Variants in ITSN1 observed in about 807,000 individuals in gnomAD.
ITSN1 encodes the protein intersectin 1, also known as intersectin-1.
Under a neutral mutation model 239.8 loss-of-function variants are expected in ITSN1, and 58 were observed. The observed-to-expected ratio is 0.24, with a 90% CI of 0.20 to 0.30. The LOEUF (loss-of-function observed/expected upper bound fraction) is 0.30. ITSN1 is among the 10% of genes least tolerant of loss of function. The pLI is 1.00. For synonymous variants in ITSN1, 780 were observed against 770.8 expected, an observed-to-expected ratio of 1.01 and a Z score of -0.20; for missense variants, 1,558 against 2,103.3, an observed-to-expected ratio of 0.74 and a Z score of 5.07.
At chr21:33,853,160 C>G (rs897658547) in intron 29 of ITSN1, among the ~76,000 whole-genome samples, 1 of 152,172 alleles carries the variant, frequency 6.6e-6, no homozygotes, top group Admixed American at 6.5e-5. Flanking sequence ...AGACTCTCCC[C>G]ACAAAACTTT....
chr21:33,873,740 C>T (rs1369136817), intron 33 of ITSN1, among the ~76,000 whole-genome samples: 3 of 152,096 alleles, frequency 2.0e-5, no homozygotes, highest in Non-Finnish European at 4.4e-5. Flanking sequence ...GGCATGGTGG[C>T]GCACACCTGT....
intron 20 of ITSN1, among the ~76,000 whole-genome samples, chr21:33,804,702 C>A (rs1312369785): frequency 6.6e-6 from 1 of 152,120 alleles, no homozygotes; most frequent in Non-Finnish European, 1.5e-5. Flanking sequence ...ATGAGAAGAC[C>A]TATGCTCACT....
intron 1 of ITSN1, among the ~76,000 whole-genome samples, chr21:33,705,549 G>A (rs1217250264): frequency 2.0e-5 from 3 of 149,824 alleles, no homozygotes; most frequent in Non-Finnish European, 4.4e-5. Flanking sequence ...CACCACACCC[G>A]GCTAATTTTT....
chr21:33,735,315 C>A, intron 5 of ITSN1, 111 bp downstream of exon 5: 1 of 1,176,084 alleles, frequency 8.5e-7, no homozygotes, highest in Non-Finnish European at 1.2e-6. Context: ...GGAGGTAATT[C>A]TGTCTGAAAA....
chr21:33,728,220 C>A (rs1430110782), intron 4 of ITSN1, among the ~76,000 whole-genome samples: 2 of 152,072 alleles, frequency 1.3e-5, no homozygotes, highest in African/African-American at 4.8e-5. Flanking sequence ...CTGCCTCGGC[C>A]TCTCAAAGTG....
intron 4 of ITSN1, among the ~76,000 whole-genome samples, chr21:33,731,756 A>G (rs1362091901): frequency 1.3e-5 from 2 of 152,246 alleles, no homozygotes; most frequent in African/African-American, 2.4e-5. Context: ...TGAAAAATAC[A>G]GTAACCATTT....
intron 31 of ITSN1, among the ~76,000 whole-genome samples, chr21:33,862,437 G>A (rs1980794099): frequency 6.6e-6 from 1 of 152,138 alleles, no homozygotes; most frequent in African/African-American, 2.4e-5. Context: ...TCAGTTTGGG[G>A]TAATGACAGA....
chr21:33,785,522 A>G (rs1180126303), intron 16 of ITSN1, among the ~76,000 whole-genome samples: 2 of 152,196 alleles, frequency 1.3e-5, no homozygotes, highest in African/African-American at 4.8e-5. Context: ...GCTCAGATTA[A>G]TTTGTCTTTT....
chr21:33,785,789 A>G (rs1388534787), intron 16 of ITSN1, among the ~76,000 whole-genome samples: 6 of 152,194 alleles, frequency 3.9e-5, no homozygotes, highest in African/African-American at 1.4e-4. Flanking sequence ...TTGAAGGCTC[A>G]TTTTTTGTTT....
chr21:33,861,566 C>T (rs1346820972), intron 31 of ITSN1, among the ~76,000 whole-genome samples: 3 of 152,152 alleles, frequency 2.0e-5, no homozygotes, highest in African/African-American at 7.2e-5. Flanking sequence ...AGAAATGTGC[C>T]TTTCATAGAC....
intron 1 of ITSN1, among the ~76,000 whole-genome samples, chr21:33,694,203 CTTAT>C (rs1164389825): frequency 2.0e-5 from 3 of 152,052 alleles, no homozygotes; most frequent in Non-Finnish European, 4.4e-5. Flanking sequence ...ATTTTTGTTA[CTTAT>C]TTATTTATTT....
intron 16 of ITSN1, among the ~76,000 whole-genome samples, chr21:33,784,133 TTTGGCTTTCTCTTA>T (rs2070428698): frequency 6.6e-6 from 1 of 152,128 alleles, no homozygotes; most frequent in Admixed American, 6.5e-5. Context: ...TAATTTTAAT[TTTGGCTTTCTCTTA>T]TTAACTTTAA....
At chr21:33,844,082 T>A (rs2074912130) in intron 29 of ITSN1, among the ~76,000 whole-genome samples, 1 of 152,230 alleles carries the variant, frequency 6.6e-6, no homozygotes, top group Admixed American at 6.5e-5. Flanking sequence ...ACAGCTTCCC[T>A]AAAAACTTTG....
rs2148595598 is a variant in ITSN1 at position 33,896,652 on chromosome 21, T to C, written c.*8352T>C. The C allele has an allele frequency of 6.6e-6, 1 of 152,342 alleles. No individual in the cohort carries two copies. The highest frequency in any genetic ancestry group is 1.5e-5 in the Non-Finnish European group (1 of 68,036). The allele number at this position is 152,342 out of a possible 1,614,324, so 9.4% of individuals were successfully genotyped here. ...TGGTAGGAGAGAAAAGATCCCTCTG[T>C]GTAAGTAGCCTCAAGTTCTAGAAGA... On this transcript the variant is annotated 3_prime_UTR_variant, in exon 40 of 40. Transcript: ENST00000381318.
In ITSN1 at chr21:33,878,013, TG is replaced by T. The variant is rs1181590800; in HGVS notation, c.4341+2493del. Among the ~76,000 whole-genome samples, 3 of 20,836 alleles carry T rather than the reference TG, an allele frequency of 1.4e-4. No homozygotes were observed. The African/African-American group carries it at 1.9e-3, about 13-fold the overall frequency. The allele number at this position is 20,836 out of a possible 152,430, so 13.7% of individuals were successfully genotyped here. The stretch of plus-strand genomic sequence containing the variant: ...CTTTCTCTTTCTCTCTCTCTTTGTG[TG>T]TGTGTGTGTGTGTGTGTGTGTGTGT... On this transcript the variant is annotated intron_variant, in intron 34 of 39. Transcript: ENST00000381318.
chr21:33,743,749 A>G (rs1421749667), intron 5 of ITSN1, among the ~76,000 whole-genome samples: 5 of 152,252 alleles, frequency 3.3e-5, no homozygotes, highest in Non-Finnish European at 7.3e-5. Context: ...AGACATGTAG[A>G]AAAAGAAAGC....
chr21:33,646,960 T>C (rs968246856), intron 1 of ITSN1, among the ~76,000 whole-genome samples: 5 of 151,552 alleles, frequency 3.3e-5, no homozygotes, highest in Non-Finnish European at 5.9e-5. Flanking sequence ...CACTCTAGCC[T>C]GGGTGACAGA....
Position 33,797,728 on chromosome 21 carries a change from C to A in ITSN1, c.2182+120C>A. 1 of 731,630 alleles carries A rather than the reference C, an allele frequency of 1.4e-6. No individual in the cohort carries two copies. The highest frequency in any genetic ancestry group is 2.3e-6 in the Non-Finnish European group (1 of 439,218). 45.3% of individuals were successfully genotyped at this position (731,630 alleles called of 1,614,324 possible). On this transcript the variant is annotated intron_variant, in intron 18 of 39. Coordinates refer to ENST00000381318, the MANE Select transcript of ITSN1 (RefSeq NM_003024.3). The surrounding 1 kb of genome is among the most constrained non-coding windows in gnomAD (Gnocchi z 4.9). ...TACATTAACAGATGAGAACGTCAGT[C>A]TCTTATTTTGAGCATGGCCAGCTCT...
At chr21:33,756,007 G>T (rs1167909835) in intron 8 of ITSN1, among the ~76,000 whole-genome samples, 1 of 152,148 alleles carries the variant, frequency 6.6e-6, no homozygotes, top group Non-Finnish European at 1.5e-5. Flanking sequence ...ATACTTGTTA[G>T]AAAGTTATAA....
Sources: gnomAD v4.1 joint callset for allele counts (sites outside exome capture counted in the v4.1 genomes callset) on GRCh38, gnomAD v4.1.1 for gene constraint, Gnocchi (gnomAD v3.1) non-coding constraint, MANE v1.5 for transcripts, NCBI Gene and HGNC (gene_info 2026-07-23, HGNC 2026-07-21) for gene names.